Variants in VTI1A observed in about 807,000 individuals in gnomAD.
The protein encoded by VTI1A is vesicle transport through interaction with t-SNAREs homolog 1A.
VTI1A carries 22 observed loss-of-function variants against 34.9 expected under a neutral mutation model. The observed-to-expected ratio is 0.63, with a 90% CI of 0.45 to 0.90. The LOEUF (loss-of-function observed/expected upper bound fraction) is 0.90, where lower values mean the gene tolerates loss of function less well. Among genes scored for constraint, VTI1A ranks in the 40% least tolerant of loss-of-function variants. The pLI is 0.00. For missense variants in VTI1A, 268 were observed against 275.6 expected (o/e 0.97, Z 0.20); for synonymous variants, 87 against 97.3 (o/e 0.89, Z 0.62).
At chr10:112,830,822 C>CATATATATATAT in the VTI1A span, among the ~76,000 whole-genome samples, 15 of 54,730 alleles carry the variant, frequency 2.7e-4, no homozygotes, top group Non-Finnish European at 4.2e-4. Context: ...CTAAAACCCT[C>CATATATATATAT]ATATATATAT....
chr10:112,485,614 G>C (rs919144585), intron 3 of VTI1A, among the ~76,000 whole-genome samples: 4 of 152,114 alleles, frequency 2.6e-5, no homozygotes, highest in Non-Finnish European at 4.4e-5. Flanking sequence ...TGACAGGTCC[G>C]GTTCATAAGC....
At chr10:112,608,210 A>G (rs552369715) in intron 5 of VTI1A, among the ~76,000 whole-genome samples, 1 of 152,330 alleles carries the variant, frequency 6.6e-6, no homozygotes, top group South Asian at 2.1e-4. Context: ...TTCTTAAAGA[A>G]GATACCCTTC....
intron 5 of VTI1A, among the ~76,000 whole-genome samples, chr10:112,542,759 TAGAG>T (rs1181716108): frequency 6.6e-6 from 1 of 152,108 alleles, no homozygotes; most frequent in South Asian, 2.1e-4. Flanking sequence ...GAAAACAAGT[TAGAG>T]AGAGATTAAG....
chr10:112,626,573 T>C (rs1204240935), intron 5 of VTI1A, among the ~76,000 whole-genome samples: 1 of 150,290 alleles, frequency 6.7e-6, no homozygotes, highest in Non-Finnish European at 1.5e-5. Context: ...TCCTAACAAG[T>C]ATTTGCAAAA....
intron 7 of VTI1A, among the ~76,000 whole-genome samples, chr10:112,754,267 C>T (rs1347476074): frequency 6.6e-6 from 1 of 152,108 alleles, no homozygotes; most frequent in African/African-American, 2.4e-5. Context: ...AGGAACTTAG[C>T]CCAAGCCAGC....
intron 7 of VTI1A, among the ~76,000 whole-genome samples, chr10:112,784,900 C>T (rs1200720726): frequency 2.6e-5 from 4 of 152,178 alleles, no homozygotes; most frequent in Admixed American, 6.5e-5. Flanking sequence ...AAAGGTCCAT[C>T]GTACGTATTT....
At position 112,722,435 on chromosome 10, in the gene VTI1A, A is replaced by G. The variant is rs1849846167; in HGVS notation, c.560+53437A>G. 2.0e-5 allele frequency among the ~76,000 whole-genome samples: 3 copies of G among 152,150 alleles called. No homozygotes were observed. In the South Asian group the frequency reaches 6.2e-4, roughly 32 times the overall value. Reference sequence around the variant, plus strand: ...AATGACGAGTTAATGGGTGCAGCACACCAACATGGCACATGTATGCATATG... The same window carrying G: ...AATGACGAGTTAATGGGTGCAGCACGCCAACATGGCACATGTATGCATATG... On this transcript the variant is annotated intron_variant, in intron 7 of 7. Coordinates refer to ENST00000393077, the MANE Select transcript of VTI1A (RefSeq NM_145206.4).
intron 7 of VTI1A, among the ~76,000 whole-genome samples, chr10:112,753,891 A>G (rs1271659693): frequency 2.6e-5 from 4 of 152,216 alleles, no homozygotes; most frequent in Admixed American, 2.6e-4. Context: ...AGAATGAATC[A>G]AACCAAGAGA....
intron 3 of VTI1A, among the ~76,000 whole-genome samples, chr10:112,523,295 A>G (rs772024257): frequency 6.6e-6 from 1 of 152,084 alleles, no homozygotes; most frequent in African/African-American, 2.4e-5. Context: ...CTGTTCATAT[A>G]CCAAGTAAAA....
chr10:112,479,466 ACTTGT>A (rs1225626134), intron 3 of VTI1A, among the ~76,000 whole-genome samples: 1 of 152,158 alleles, frequency 6.6e-6, no homozygotes, highest in Admixed American at 6.5e-5. Context: ...AAGGAAATGC[ACTTGT>A]CTTAAGATTC....
chr10:112,814,310 G>A lies in VTI1A; in HGVS notation c.561-980G>A, dbSNP rs535737815. 5.3e-5 allele frequency among the ~76,000 whole-genome samples: 8 copies of A among 152,268 alleles called. No homozygotes were observed. In the South Asian group the frequency reaches 6.2e-4, roughly 12 times the overall value. On this transcript the variant is annotated intron_variant, in intron 7 of 7. Transcript: ENST00000393077. ...GGAGGAGGGTTGGATGGGGTTTGCC[G>A]TGGGGTTTTAAGCTGGACAGATAGC...
chr10:112,807,247 C>T (rs1853119189), intron 7 of VTI1A, among the ~76,000 whole-genome samples: 1 of 152,166 alleles, frequency 6.6e-6, no homozygotes, highest in Non-Finnish European at 1.5e-5. Flanking sequence ...TGGATCCGAG[C>T]ACTCAGTGTA....
chr10:112,531,106 TGCGCACGTGCGCGC>T (rs1850419711), intron 4 of VTI1A, among the ~76,000 whole-genome samples: 1 of 47,700 alleles, frequency 2.1e-5, no homozygotes, highest in African/African-American at 6.5e-5. Context: ...CACACACACG[TGCGCACGTGCGCGC>T]GCGCGCATGA....
intron 5 of VTI1A, among the ~76,000 whole-genome samples, chr10:112,652,204 A>T (rs1482961913): frequency 6.6e-6 from 1 of 152,346 alleles, no homozygotes; most frequent in South Asian, 2.1e-4. Flanking sequence ...CCTGAGTGAA[A>T]TCAAAGCCTC....
chr10:112,830,849 A>ATATATATATATATATTTTT, the VTI1A span, among the ~76,000 whole-genome samples: 35 of 33,478 alleles, frequency 1.0e-3, no homozygotes, highest in Middle Eastern at 0.021. Context: ...ATATATATAT[A>ATATATATATATATATTTTT]TTTTTTTTTT....
chr10:112,509,154 A>T (rs1360210587), intron 3 of VTI1A, among the ~76,000 whole-genome samples: 1 of 152,216 alleles, frequency 6.6e-6, no homozygotes, highest in Admixed American at 6.5e-5. Flanking sequence ...AATAATTGTT[A>T]TAATCAGAGT....
chr10:112,689,428 C>T (rs1005438402), intron 7 of VTI1A, among the ~76,000 whole-genome samples: 5 of 152,038 alleles, frequency 3.3e-5, no homozygotes, highest in African/African-American at 4.8e-5. Context: ...AGGAGGAGGG[C>T]CTGAGGGAAG....
chr10:112,767,648 T>G lies in VTI1A; in HGVS notation c.561-47642T>G. On this transcript the variant is annotated intron_variant, in intron 7 of 7. Coordinates refer to ENST00000393077, the MANE Select transcript of VTI1A (RefSeq NM_145206.4). This position sits in a 1 kb window ranked among gnomAD's most constrained non-coding sequence, Gnocchi z 4.0. ...TTCGTTTGAGTTTTCAACTAAAGGG[T>G]CTTTCCTGCCTGCCTACCTTATTTC... Among the ~76,000 whole-genome samples, 1 of 151,900 alleles carries G rather than the reference T, an allele frequency of 6.6e-6. No individual in the cohort carries two copies.
At chr10:112,745,415 GT>G (rs1850860298) in intron 7 of VTI1A, among the ~76,000 whole-genome samples, 1 of 151,826 alleles carries the variant, frequency 6.6e-6, no homozygotes, top group Non-Finnish European at 1.5e-5. Flanking sequence ...TATACATTTT[GT>G]TTTTGTGCCA....
Sources: gnomAD v4.1 joint callset for allele counts (sites outside exome capture counted in the v4.1 genomes callset) on GRCh38, gnomAD v4.1.1 for gene constraint, Gnocchi (gnomAD v3.1) non-coding constraint, MANE v1.5 for transcripts, NCBI Gene and HGNC (gene_info 2026-07-23, HGNC 2026-07-21) for gene names.